LRRK1: variants seen among roughly 807,000 people sequenced by gnomAD.
LRRK1 encodes leucine rich repeat kinase 1.
A neutral mutation model predicts 209.1 loss-of-function variants in LRRK1; 113 were observed. The ratio of observed to expected loss-of-function variants is 0.54; its 90% CI spans 0.46 to 0.63. LRRK1 has a LOEUF of 0.63. Ranked by LOEUF, LRRK1 falls within the 30% of genes least tolerant of loss-of-function variation. LRRK1 has a pLI of 0.00. For missense variants in LRRK1, 2,284 were observed against 2,632.2 expected (o/e 0.87, Z 2.89); for synonymous variants, 1,144 against 1,099.7 (o/e 1.04, Z -0.80).
At chr15:101,019,943 C>T (rs2033701155) in intron 12 of LRRK1, among the ~76,000 whole-genome samples, 8 of 152,206 alleles carry the variant, frequency 5.3e-5, no homozygotes, top group Admixed American at 5.2e-4. Context: ...ACATGATTTT[C>T]ATGGTAATCT....
intron 2 of LRRK1, among the ~76,000 whole-genome samples, chr15:100,927,506 C>A (rs1020865155): frequency 3.5e-4 from 53 of 152,124 alleles, no homozygotes; most frequent in African/African-American, 1.3e-3. Context: ...CTGACGTGAC[C>A]TCAGCAGCCT....
chr15:101,036,793 G>A (rs1313427114), intron 20 of LRRK1, among the ~76,000 whole-genome samples: 1 of 152,186 alleles, frequency 6.6e-6, no homozygotes, highest in Non-Finnish European at 1.5e-5. Context: ...AGAGGCATCT[G>A]TGGTGTTGGT....
chr15:100,997,614 A>G (rs779718403), intron 6 of LRRK1, among the ~76,000 whole-genome samples: 7 of 152,270 alleles, frequency 4.6e-5, no homozygotes, highest in Non-Finnish European at 8.8e-5. Flanking sequence ...AAAAATAAAT[A>G]TACACAATGA....
At chr15:101,041,688 C>T (rs144868226) in intron 20 of LRRK1, among the ~76,000 whole-genome samples, 132 of 152,312 alleles carry the variant, frequency 8.7e-4, no homozygotes, top group African/African-American at 2.8e-3. Context: ...CTGTCATCCA[C>T]GTTTCTTCTA....
chr15:100,937,227 T>C (rs1346795623), intron 2 of LRRK1, among the ~76,000 whole-genome samples: 3 of 152,248 alleles, frequency 2.0e-5, no homozygotes, highest in South Asian at 4.1e-4. Flanking sequence ...AACTATCTTA[T>C]TCATTTTTAA....
intron 2 of LRRK1, among the ~76,000 whole-genome samples, chr15:100,956,463 T>TTCTTTTC (rs1567199366): frequency 2.3e-5 from 3 of 131,556 alleles, no homozygotes; most frequent in Non-Finnish European, 3.2e-5. Flanking sequence ...TTCTTTTTTT[T>TTCTTTTC]TTTTTTTTTT....
chr15:101,018,178 T>TAAAAA (rs34360209), intron 12 of LRRK1, among the ~76,000 whole-genome samples: 1 of 126,610 alleles, frequency 7.9e-6, no homozygotes, highest in East Asian at 2.3e-4. Context: ...CAAATTGATT[T>TAAAAA]AAAAAAAAAA....
At chr15:100,968,571 T>C (rs553528469) in intron 2 of LRRK1, among the ~76,000 whole-genome samples, 8 of 152,354 alleles carry the variant, frequency 5.3e-5, no homozygotes, top group African/African-American at 1.9e-4. Flanking sequence ...TGCATTTCCC[T>C]GATGACTAAT....
chr15:101,046,552 T>A (rs751655992), intron 21 of LRRK1, among the ~76,000 whole-genome samples: 7 of 152,342 alleles, frequency 4.6e-5, no homozygotes, highest in Admixed American at 3.9e-4. Flanking sequence ...CAACCACACT[T>A]GGAGAACCGT....
chr15:101,066,825 T>C, intron 33 of LRRK1, 84 bp downstream of exon 33: 1 of 1,114,960 alleles, frequency 9.0e-7, no homozygotes, highest in Non-Finnish European at 1.3e-6. Flanking sequence ...CACAGTGGCT[T>C]TGCTGCCCTT....
In LRRK1 at chr15:101,048,481, C is replaced by A; in HGVS notation, c.3136-13C>A. 6.2e-7 allele frequency: 1 copy of A among 1,600,640 alleles called. No individual in the cohort carries two copies. The highest frequency in any genetic ancestry group is 1.1e-5 in the South Asian group (1 of 88,474). ...CCAGAATACTTAAGCAGGGTCTTTT[C>A]TCTGTCTTTCAGCTTTTTGAAAACA... On this transcript the variant is annotated splice_polypyrimidine_tract_variant and intron_variant, in intron 21 of 33. Transcript: ENST00000388948.
intron 3 of LRRK1, among the ~76,000 whole-genome samples, chr15:100,975,866 A>G (rs537947176): frequency 2.6e-5 from 4 of 152,360 alleles, no homozygotes; most frequent in African/African-American, 9.6e-5. Context: ...AATAGAAAGC[A>G]AAGTAGAAAG....
chr15:101,002,033 G>A (rs1415871460), intron 6 of LRRK1, among the ~76,000 whole-genome samples: 1 of 152,214 alleles, frequency 6.6e-6, no homozygotes, highest in Non-Finnish European at 1.5e-5. Context: ...GCCCTGGGCT[G>A]GGGTGCCAGC....
intron 9 of LRRK1, among the ~76,000 whole-genome samples, chr15:101,011,584 A>ATGTGTG (rs10675651): frequency 4.0e-5 from 6 of 150,726 alleles, no homozygotes; most frequent in Non-Finnish European, 5.9e-5. Context: ...AGCATGAAGA[A>ATGTGTG]TGTGTGTGTG....
At chr15:100,923,134 A>G (rs1339774411) in intron 1 of LRRK1, among the ~76,000 whole-genome samples, 1 of 152,188 alleles carries the variant, frequency 6.6e-6, no homozygotes, top group African/African-American at 2.4e-5. Context: ...CTGGTACTAC[A>G]GGTAATGACC....
chr15:101,059,275 G>A (rs1329853232), intron 29 of LRRK1, among the ~76,000 whole-genome samples: 1 of 152,160 alleles, frequency 6.6e-6, no homozygotes, highest in Non-Finnish European at 1.5e-5. Context: ...GCGAGCACCT[G>A]TAGTCCCTGC....
intron 2 of LRRK1, among the ~76,000 whole-genome samples, chr15:100,965,642 A>G (rs1056100333): frequency 6.6e-6 from 1 of 152,164 alleles, no homozygotes; most frequent in East Asian, 1.9e-4. Context: ...TTCCCTAACC[A>G]GTTCCTACTT....
At chr15:101,063,888 G>C (rs903975666) in intron 31 of LRRK1, among the ~76,000 whole-genome samples, 5 of 152,092 alleles carry the variant, frequency 3.3e-5, no homozygotes, top group African/African-American at 1.2e-4. Context: ...TACGCAGCTT[G>C]GGACCAGGCC....
At position 100,934,354 on chromosome 15, in the gene LRRK1, T is replaced by C. The variant is rs76643625; in HGVS notation, c.97+9625T>C. ...TTCTTCTAAGCCCCAGCTTTGTGTT[T>C]GTCTTTATTAATTCAGCATGATTAT... On this transcript the variant is annotated intron_variant, in intron 2 of 33. Coordinates refer to ENST00000388948, the MANE Select transcript of LRRK1 (RefSeq NM_024652.6). Among the ~76,000 whole-genome samples, 864 of 152,322 alleles carry C rather than the reference T, an allele frequency of 5.7e-3. 12 individuals are homozygous for C. Among genetic ancestry groups the C allele is most frequent in the African/African-American group, 0.02 (828 of 41,572 alleles).
Sources: gnomAD v4.1 joint callset for allele counts (sites outside exome capture counted in the v4.1 genomes callset) on GRCh38, gnomAD v4.1.1 for gene constraint, MANE v1.5 for transcripts, NCBI Gene and HGNC (gene_info 2026-07-23, HGNC 2026-07-21) for gene names.